TAFA2: variants seen among roughly 807,000 people sequenced by gnomAD.
TAFA2 encodes the protein TAFA chemokine like family member 2, also known as chemokine-like protein TAFA-2.
Under a neutral mutation model 18.8 loss-of-function variants are expected in TAFA2, and 7 were observed. The ratio of observed to expected loss-of-function variants is 0.37; its 90% CI spans 0.21 to 0.70. TAFA2 has a LOEUF of 0.70. Among genes scored for constraint, TAFA2 ranks in the 30% least tolerant of loss-of-function variants. TAFA2 has a pLI of 0.53. For missense variants in TAFA2, 122 were observed against 158.1 expected, an observed-to-expected ratio of 0.77 and a Z score of 1.23; for synonymous variants, 60 against 54.2, an observed-to-expected ratio of 1.11 and a Z score of -0.47.
rs532222473 is a variant in TAFA2, at chr12:62,069,764, A to C, written c.-2+121495T>G. On this transcript the variant is annotated intron_variant, in intron 1 of 4. Coordinates refer to ENST00000416284, the MANE Select transcript of TAFA2 (RefSeq NM_178539.5). ...TTAGTTCCTTCACATGACAAGAACAACACAATAGTGACCAAGCACACTGCT... is the reference window on the plus strand; with the variant it reads ...TTAGTTCCTTCACATGACAAGAACACCACAATAGTGACCAAGCACACTGCT... 2.0e-5 allele frequency among the ~76,000 whole-genome samples: 3 copies of C among 152,338 alleles called. No homozygotes were observed. In the East Asian group the frequency reaches 5.8e-4, roughly 29 times the overall value.
At chr12:62,223,545 G>A (rs538717995) in intron 1 of TAFA2, among the ~76,000 whole-genome samples, 15 of 152,036 alleles carry the variant, frequency 9.9e-5, no homozygotes, top group African/African-American at 2.9e-4. Context: ...CAAAAAAAAC[G>A]AAGTTGGATC....
intron 1 of TAFA2, among the ~76,000 whole-genome samples, chr12:62,177,231 C>A (rs544619669): frequency 1.7e-4 from 26 of 152,210 alleles, no homozygotes; most frequent in Non-Finnish European, 3.2e-4. Flanking sequence ...TAACAGAAAG[C>A]AAAATGGAAA....
chr12:61,901,259 C>CTTTTTT (rs1203233805), intron 1 of TAFA2, among the ~76,000 whole-genome samples: 6 of 10,898 alleles, frequency 5.5e-4, no homozygotes, highest in Admixed American at 8.4e-4. Context: ...TTCAATTTCA[C>CTTTTTT]TTTTTTTTTT....
chr12:61,836,843 T>G (rs1326895936), intron 2 of TAFA2, among the ~76,000 whole-genome samples: 1 of 150,316 alleles, frequency 6.7e-6, no homozygotes, highest in African/African-American at 2.4e-5. Context: ...GTTTACATGT[T>G]TATTGAGAAT....
At chr12:62,200,558 G>A (rs1322951053) in intron 1 of TAFA2, among the ~76,000 whole-genome samples, 2 of 152,070 alleles carry the variant, frequency 1.3e-5, no homozygotes, top group East Asian at 3.9e-4. Context: ...AAGATCAGAT[G>A]GTTGTAGATA....
At chr12:62,075,191 AT>A (rs1179106774) in intron 1 of TAFA2, among the ~76,000 whole-genome samples, 1 of 152,208 alleles carries the variant, frequency 6.6e-6, no homozygotes, top group Non-Finnish European at 1.5e-5. Flanking sequence ...GCTAGGCACT[AT>A]TTATATATTA....
intron 1 of TAFA2, among the ~76,000 whole-genome samples, chr12:61,978,755 C>T (rs762944944): frequency 1.3e-5 from 2 of 152,046 alleles, no homozygotes; most frequent in Non-Finnish European, 2.9e-5. Context: ...TGACAAGAAG[C>T]CCCTCCCAGG....
chr12:61,890,621 G>A (rs146764830), intron 1 of TAFA2, among the ~76,000 whole-genome samples: 63 of 152,282 alleles, frequency 4.1e-4, no homozygotes, highest in African/African-American at 1.3e-3. Context: ...GTAGCTACAG[G>A]GGGTTTAGCA....
At chr12:62,023,264 G>C (rs1427470754) in intron 1 of TAFA2, among the ~76,000 whole-genome samples, 1 of 152,156 alleles carries the variant, frequency 6.6e-6, no homozygotes, top group Non-Finnish European at 1.5e-5. Flanking sequence ...AGGGTGAACA[G>C]CTACTGTGTG....
At chr12:61,984,122 T>A (rs1285274194) in intron 1 of TAFA2, among the ~76,000 whole-genome samples, 1 of 152,238 alleles carries the variant, frequency 6.6e-6, no homozygotes, top group Non-Finnish European at 1.5e-5. Context: ...ACCACGTATA[T>A]CTTCCCACTA....
chr12:61,891,268 GC>G (rs1462675514), intron 1 of TAFA2, among the ~76,000 whole-genome samples: 3 of 152,302 alleles, frequency 2.0e-5, no homozygotes, highest in Admixed American at 6.5e-5. Context: ...AGCAGCAGAA[GC>G]AGAGGCAGCA....
intron 4 of TAFA2, among the ~76,000 whole-genome samples, chr12:61,723,529 A>T (rs12299701): frequency 0.069 from 10,490 of 152,118 alleles, 1,147 homozygotes; most frequent in African/African-American, 0.24. Context: ...CTCAATCTTT[A>T]ATTTTTCTAG....
intron 2 of TAFA2, among the ~76,000 whole-genome samples, chr12:61,767,238 A>T (rs1238772227): frequency 1.3e-5 from 2 of 152,136 alleles, no homozygotes; most frequent in Non-Finnish European, 1.5e-5. Context: ...CAGGAATATT[A>T]TTTCAGAAAG....
intron 2 of TAFA2, among the ~76,000 whole-genome samples, chr12:61,819,735 T>G (rs183419889): frequency 6.6e-6 from 1 of 152,270 alleles, no homozygotes; most frequent in African/African-American, 2.4e-5. Context: ...ATGTTTACTA[T>G]CTATTACATA....
intron 1 of TAFA2, among the ~76,000 whole-genome samples, chr12:62,099,415 G>A (rs961501616): frequency 2.6e-5 from 4 of 151,962 alleles, no homozygotes; most frequent in Non-Finnish European, 5.9e-5. Context: ...GAGTTATAAC[G>A]CTCCAGAAAC....
At chr12:61,908,244 T>C (rs1429395777) in intron 1 of TAFA2, among the ~76,000 whole-genome samples, 1 of 152,176 alleles carries the variant, frequency 6.6e-6, no homozygotes, top group African/African-American at 2.4e-5. Context: ...AATTCTCATG[T>C]GTCATGGGAG....
chr12:61,964,912 A>G (rs1253647020), intron 1 of TAFA2, among the ~76,000 whole-genome samples: 2 of 151,862 alleles, frequency 1.3e-5, no homozygotes, highest in East Asian at 3.9e-4. Context: ...TTATTTATTT[A>G]CACACTACTA....
chr12:61,960,638 A>T (rs2136653077), intron 1 of TAFA2, among the ~76,000 whole-genome samples: 1 of 152,126 alleles, frequency 6.6e-6, no homozygotes. Context: ...TGTTACCCAC[A>T]TCATCATACA....
At chr12:62,208,327 G>GA (rs376779722) in intron 1 of TAFA2, among the ~76,000 whole-genome samples, 22 of 147,168 alleles carry the variant, frequency 1.5e-4, no homozygotes, top group South Asian at 6.5e-4. Context: ...GGCAATAGGA[G>GA]AAAAAAAAAA....
Sources: allele counts gnomAD v4.1 joint callset (sites outside exome capture counted in the v4.1 genomes callset), GRCh38; gene constraint gnomAD v4.1.1; transcripts MANE v1.5; gene names NCBI Gene and HGNC (gene_info 2026-07-23, HGNC 2026-07-21).